The following KLHL1 variants were observed in gnomAD, a reference collection of about 807,000 sequenced individuals.
The protein encoded by KLHL1 is kelch like family member 1.
A neutral mutation model predicts 77.7 loss-of-function variants in KLHL1; 47 were observed. The observed-to-expected ratio is 0.60, with a 90% confidence interval of 0.48 to 0.77. The LOEUF (loss-of-function observed/expected upper bound fraction) is 0.77, where lower values mean the gene tolerates loss of function less well. Among genes scored for constraint, KLHL1 ranks in the 30% least tolerant of loss-of-function variants. The pLI is 0.00. For missense variants in KLHL1, 925 were observed against 910.8 expected (o/e 1.02, Z -0.20); for synonymous variants, 360 against 325.2 (o/e 1.11, Z -1.15).
At chr13:70,022,140 C>G (rs938166484) in intron 1 of KLHL1, among the ~76,000 whole-genome samples, 12 of 151,860 alleles carry the variant, frequency 7.9e-5, no homozygotes, top group African/African-American at 2.9e-4. Context: ...CATTCATTAT[C>G]TATCAATTTT....
intron 1 of KLHL1, among the ~76,000 whole-genome samples, chr13:70,059,868 C>T (rs1047474145): frequency 1.3e-5 from 2 of 152,092 alleles, no homozygotes. Flanking sequence ...CACTTTGAAA[C>T]AACTAGATCT....
intron 6 of KLHL1, among the ~76,000 whole-genome samples, chr13:69,826,454 C>A (rs1446962054): frequency 6.6e-6 from 1 of 152,098 alleles, no homozygotes; most frequent in Non-Finnish European, 1.5e-5. Flanking sequence ...GTGGTGGGCA[C>A]CTGTAATCCC....
chr13:69,908,477 A>T (rs1430777826), intron 4 of KLHL1, among the ~76,000 whole-genome samples: 1 of 150,546 alleles, frequency 6.6e-6, no homozygotes, highest in Non-Finnish European at 1.5e-5. Context: ...ATAAACCCAG[A>T]AGGATAACAT....
In KLHL1 at chr13:69,857,853, AT is replaced by A. The variant is rs997600824; in HGVS notation, c.1228-18692del. Among the ~76,000 whole-genome samples the A allele has an allele frequency of 5.4e-5, 8 of 148,542 alleles. No homozygotes were observed. The East Asian group carries it at 5.8e-4, about 11-fold the overall frequency. ...CTAGAACTTAAAGTATAATATAAAA[AT>A]ATATATATATAATGAAATTCATTTT... is the stretch of plus-strand genomic sequence containing the variant. On this transcript the variant is annotated intron_variant, in intron 5 of 10. Coordinates refer to ENST00000377844, the MANE Select transcript of KLHL1 (RefSeq NM_020866.3).
At chr13:69,794,613 T>TA (rs1347561263) in intron 7 of KLHL1, among the ~76,000 whole-genome samples, 2 of 148,998 alleles carry the variant, frequency 1.3e-5, no homozygotes, top group Non-Finnish European at 1.5e-5. Context: ...GAATCTACAA[T>TA]AAAAAAGAGT....
At chr13:70,033,179 A>C (rs944864452) in intron 1 of KLHL1, among the ~76,000 whole-genome samples, 6 of 152,214 alleles carry the variant, frequency 3.9e-5, no homozygotes, top group African/African-American at 1.4e-4. Context: ...GTTGAAAGAA[A>C]AGGTATTATC....
chr13:69,710,414 T>C (rs1875821424), intron 9 of KLHL1, among the ~76,000 whole-genome samples: 1 of 152,066 alleles, frequency 6.6e-6, no homozygotes, highest in Non-Finnish European at 1.5e-5. Context: ...AATAACTACT[T>C]TTTAATTAAT....
intron 1 of KLHL1, among the ~76,000 whole-genome samples, chr13:69,979,343 A>G (rs570281391): frequency 1.3e-5 from 2 of 152,082 alleles, no homozygotes; most frequent in African/African-American, 2.4e-5. Flanking sequence ...ATTTCCTCAC[A>G]TATCATTTCA....
At chr13:69,729,646 A>G (rs1009689797) in intron 8 of KLHL1, among the ~76,000 whole-genome samples, 5 of 152,170 alleles carry the variant, frequency 3.3e-5, no homozygotes, top group African/African-American at 1.2e-4. Flanking sequence ...TCTGAGTAAC[A>G]TAGGAAAAGT....
chr13:69,726,784 C>T (rs74090425), intron 8 of KLHL1, among the ~76,000 whole-genome samples: 7 of 152,036 alleles, frequency 4.6e-5, no homozygotes, highest in South Asian at 4.1e-4. Flanking sequence ...CAACTCTACG[C>T]GTTTTATAAT....
At chr13:69,855,357 T>C (rs759921517) in intron 5 of KLHL1, among the ~76,000 whole-genome samples, 9 of 145,914 alleles carry the variant, frequency 6.2e-5, no homozygotes, top group South Asian at 2.1e-4. Flanking sequence ...GACAGACAGA[T>C]AGATACATAG....
intron 5 of KLHL1, among the ~76,000 whole-genome samples, chr13:69,878,711 T>G (rs9564627): frequency 0.24 from 34,575 of 143,280 alleles, 3,932 homozygotes; most frequent in East Asian, 0.31. Context: ...TATATATATA[T>G]AGAGAGAGAG....
intron 7 of KLHL1, among the ~76,000 whole-genome samples, chr13:69,751,033 G>A (rs1309634901): frequency 6.6e-6 from 1 of 151,638 alleles, no homozygotes; most frequent in Admixed American, 6.6e-5. Context: ...AATAGTACTA[G>A]TATCATTGCA....
chr13:70,082,808 A>G (rs568508668), intron 1 of KLHL1, among the ~76,000 whole-genome samples: 1 of 152,252 alleles, frequency 6.6e-6, no homozygotes, highest in South Asian at 2.1e-4. Flanking sequence ...AGAAGAGTGG[A>G]ATCACATTCT....
chr13:69,950,183 C>T (rs748847988), intron 3 of KLHL1, among the ~76,000 whole-genome samples: 2 of 151,548 alleles, frequency 1.3e-5, no homozygotes, highest in Non-Finnish European at 3.0e-5. Flanking sequence ...AAAGTAGCTG[C>T]GACAATACAA....
intron 6 of KLHL1, 63 bp downstream of exon 6, chr13:69,838,913 A>G (rs1381621047): frequency 1.8e-6 from 2 of 1,086,922 alleles, no homozygotes; most frequent in Admixed American, 2.9e-5. Flanking sequence ...CACCATTACA[A>G]TATAAAAGCT....
intron 4 of KLHL1, among the ~76,000 whole-genome samples, chr13:69,897,728 C>A (rs987435421): frequency 6.6e-6 from 1 of 152,082 alleles, no homozygotes; most frequent in Non-Finnish European, 1.5e-5. Context: ...CAGGTTTGAC[C>A]CACCCATGGT....
At chr13:69,937,959 A>C (rs951545658) in intron 4 of KLHL1, among the ~76,000 whole-genome samples, 2 of 152,158 alleles carry the variant, frequency 1.3e-5, no homozygotes, top group Non-Finnish European at 2.9e-5. Flanking sequence ...AATTACAGTC[A>C]GGAGAGAAGT....
intron 4 of KLHL1, among the ~76,000 whole-genome samples, chr13:69,901,222 GA>G (rs1299965384): frequency 1.3e-5 from 2 of 151,862 alleles, no homozygotes; most frequent in East Asian, 3.9e-4. Flanking sequence ...TCTTAATTGT[GA>G]AAACAGAAAA....
Sources: allele counts gnomAD v4.1 joint callset (sites outside exome capture counted in the v4.1 genomes callset), GRCh38; gene constraint gnomAD v4.1.1; transcripts MANE v1.5; gene names NCBI Gene and HGNC (gene_info 2026-07-23, HGNC 2026-07-21).